Variants in CABLES1 observed in about 807,000 individuals in gnomAD.
CABLES1 encodes the protein Cdk5 and Abl enzyme substrate 1, also known as CDK5 and ABL1 enzyme substrate 1.
A neutral mutation model predicts 57.8 loss-of-function variants in CABLES1; 36 were observed. The observed-to-expected ratio is 0.62, with a 90% CI of 0.48 to 0.82. The LOEUF (loss-of-function observed/expected upper bound fraction) is 0.82, where lower values mean the gene tolerates loss of function less well. Ranked by LOEUF, CABLES1 falls within the 40% of genes least tolerant of loss-of-function variation. The pLI, the probability that CABLES1 is intolerant of heterozygous loss-of-function variation, is 0.00. For synonymous variants in CABLES1, 374 were observed against 363.0 expected (o/e 1.03, Z -0.35); for missense variants, 767 against 836.6 (o/e 0.92, Z 1.03).
Position 23,136,541 on chromosome 18 carries a change from A to G in CABLES1, c.779A>G (p.Tyr260Cys). The G allele has an allele frequency of 6.3e-7, 1 of 1,575,648 alleles. No individual in the cohort carries two copies. The highest frequency in any genetic ancestry group is 8.6e-7 in the Non-Finnish European group (1 of 1,168,912). The part of the protein sequence containing the change: ...IAFSRPTSQN[Y>C]CSLEQPGQGG... ...TTCTCCAGGCCGACTTCGCAGAACT[A>G]CTGCTCCCTGGAGCAGCCAGGCCAG... The change falls in exon 1 of 10, where the codon TAC (tyrosine) becomes TGC (cysteine). Residue 260 changes from tyrosine (Y) to cysteine (C), a missense_variant. Coordinates refer to ENST00000256925, the MANE Select transcript of CABLES1 (RefSeq NM_001100619.3).
In CABLES1 at chr18:23,135,625, G is replaced by A. The variant is rs1232536394; in HGVS notation, c.-138G>A. 7.3e-6 allele frequency: 5 copies of A among 688,632 alleles called. No individual in the cohort carries two copies. Among genetic ancestry groups the A allele is most frequent in the Admixed American group, 6.4e-5 (1 of 15,694 alleles). 42.7% of individuals were successfully genotyped at this position (688,632 alleles called of 1,614,324 possible). On this transcript the variant is annotated 5_prime_UTR_variant, in exon 1 of 10. Coordinates refer to ENST00000256925, the MANE Select transcript of CABLES1 (RefSeq NM_001100619.3). ...GGGGCGAGCATGGCCCGCCCGCGGG[G>A]GGGCTGGACCGCCGCGCACGCCGCC...
intron 1 of CABLES1, among the ~76,000 whole-genome samples, chr18:23,166,052 G>A (rs545383405): frequency 2.0e-5 from 3 of 152,182 alleles, no homozygotes; most frequent in Non-Finnish European, 4.4e-5. Flanking sequence ...TTACTAAATC[G>A]CAAGTAGTCA....
intron 4 of CABLES1, among the ~76,000 whole-genome samples, chr18:23,215,992 G>T (rs1041930510): frequency 5.9e-5 from 9 of 152,158 alleles, no homozygotes; most frequent in Non-Finnish European, 8.8e-5. Context: ...CTGACCTCGT[G>T]ATCTGCCCGC....
chr18:23,136,289 C>CG lies in CABLES1; in HGVS notation c.532dup (p.Glu178GlyfsTer122). On this transcript the variant is annotated frameshift_variant, in exon 1 of 10. Coordinates refer to ENST00000256925, the MANE Select transcript of CABLES1 (RefSeq NM_001100619.3). LOFTEE classifies it high-confidence loss of function. ...AGTCCCCTGGGCGCCGGCCGGGCGT[C>CG]GGGGGAGCAGTGGCAGCCGCCCCGG... 7.3e-7 allele frequency: 1 copy of CG among 1,374,042 alleles called. No homozygotes were observed. The highest frequency in any genetic ancestry group is 9.3e-7 in the Non-Finnish European group (1 of 1,069,828). The allele number at this position is 1,374,042 out of a possible 1,614,324, so 85.1% of individuals were successfully genotyped here. A position where few individuals can be genotyped will look rare whatever the true frequency, so the allele number is the denominator to read the frequency against.
At chr18:23,219,079 G>A (rs1188167249) in intron 4 of CABLES1, 3 of 417,458 alleles carry the variant, frequency 7.2e-6, no homozygotes, top group Non-Finnish European at 9.7e-6. Context: ...ATACCAGCAT[G>A]CCACCTATGT....
At chr18:23,238,592 C>A (rs1490573522) in intron 7 of CABLES1, among the ~76,000 whole-genome samples, 1 of 152,232 alleles carries the variant, frequency 6.6e-6, no homozygotes, top group East Asian at 1.9e-4. Flanking sequence ...CAGAGGCAAG[C>A]ACGTAATAAG....
At chr18:23,137,217 G>C (rs2144943140) in intron 1 of CABLES1, among the ~76,000 whole-genome samples, 1 of 152,316 alleles carries the variant, frequency 6.6e-6, no homozygotes, top group Middle Eastern at 3.4e-3. Context: ...AGGGCTTGAG[G>C]GATTTTTTTC....
At chr18:23,229,175 G>A (rs1367010787) in intron 4 of CABLES1, among the ~76,000 whole-genome samples, 1 of 152,208 alleles carries the variant, frequency 6.6e-6, no homozygotes, top group Admixed American at 6.5e-5. Flanking sequence ...CACTTTAGGA[G>A]GCTGAGGAGG....
intron 1 of CABLES1, among the ~76,000 whole-genome samples, chr18:23,164,189 T>C (rs1000548129): frequency 2.6e-5 from 4 of 152,222 alleles, no homozygotes; most frequent in African/African-American, 9.7e-5. Context: ...AAAGGCTCTT[T>C]TATTATGTAG....
At chr18:23,150,131 G>C (rs559642348) in intron 1 of CABLES1, among the ~76,000 whole-genome samples, 1 of 151,774 alleles carries the variant, frequency 6.6e-6, no homozygotes, top group East Asian at 1.9e-4. Context: ...CTTGTGTCTG[G>C]GGTATATGTT....
intron 7 of CABLES1, among the ~76,000 whole-genome samples, chr18:23,246,086 T>A (rs1247111244): frequency 1.3e-5 from 2 of 152,050 alleles, no homozygotes; most frequent in Non-Finnish European, 2.9e-5. Flanking sequence ...GCCAACGGTG[T>A]AACCCTGTCT....
intron 1 of CABLES1, among the ~76,000 whole-genome samples, chr18:23,167,348 C>T (rs2047050073): frequency 6.6e-6 from 1 of 152,192 alleles, no homozygotes; most frequent in Non-Finnish European, 1.5e-5. Flanking sequence ...CCCTAGGGTC[C>T]AGCTACAGGC....
intron 4 of CABLES1, among the ~76,000 whole-genome samples, chr18:23,216,743 A>G (rs1194649047): frequency 6.6e-6 from 1 of 152,232 alleles, no homozygotes; most frequent in Non-Finnish European, 1.5e-5. Context: ...CACTCAGACC[A>G]TCTCCACTGG....
At chr18:23,202,342 T>A (rs2047331514) in intron 3 of CABLES1, among the ~76,000 whole-genome samples, 1 of 152,234 alleles carries the variant, frequency 6.6e-6, no homozygotes. Flanking sequence ...TTTGAAAAGC[T>A]GGTCACAAAT....
chr18:23,149,624 G>C (rs542176506), intron 1 of CABLES1: 1 of 152,218 alleles, frequency 6.6e-6, no homozygotes, highest in Non-Finnish European at 1.5e-5. Flanking sequence ...TCCTGGATAC[G>C]TCTGTTTTTG....
At chr18:23,219,789 T>C (rs1171404372) in intron 4 of CABLES1, among the ~76,000 whole-genome samples, 1 of 152,226 alleles carries the variant, frequency 6.6e-6, no homozygotes, top group Non-Finnish European at 1.5e-5. Context: ...GCAGAAGCAG[T>C]AAGTTGTGTT....
At chr18:23,207,262 G>T (rs1157198771) in intron 3 of CABLES1, among the ~76,000 whole-genome samples, 1 of 152,368 alleles carries the variant, frequency 6.6e-6, no homozygotes, top group Non-Finnish European at 1.5e-5. Flanking sequence ...GCGTGAGTCA[G>T]GGGTGTTGGT....
intron 9 of CABLES1, among the ~76,000 whole-genome samples, chr18:23,254,340 G>A (rs1337205127): frequency 6.6e-6 from 1 of 152,228 alleles, no homozygotes; most frequent in Non-Finnish European, 1.5e-5. Flanking sequence ...TTTGGGGAAA[G>A]GCGTGAGTTT....
intron 1 of CABLES1, among the ~76,000 whole-genome samples, chr18:23,141,850 C>T (rs763944661): frequency 2.0e-5 from 3 of 152,070 alleles, no homozygotes; most frequent in East Asian, 1.9e-4. Flanking sequence ...AGCGCCGATG[C>T]CTGGACTTTT....
Sources: gnomAD v4.1 joint callset for allele counts (sites outside exome capture counted in the v4.1 genomes callset) on GRCh38, gnomAD v4.1.1 for gene constraint, MANE v1.5 for transcripts, NCBI Gene and HGNC (gene_info 2026-07-23, HGNC 2026-07-21) for gene names.